The following HNRNPH1 variants were observed in gnomAD, a reference collection of about 807,000 sequenced individuals.
The protein encoded by HNRNPH1 is heterogeneous nuclear ribonucleoprotein H1, also known as heterogeneous nuclear ribonucleoprotein H.
HNRNPH1 carries 4 observed loss-of-function variants against 58.6 expected under a neutral mutation model. That is an observed-to-expected ratio of 0.07 (90% CI 0.03 to 0.16). The LOEUF is 0.16. HNRNPH1 is among the 10% of genes least tolerant of loss of function. The pLI, the probability that HNRNPH1 is intolerant of heterozygous loss-of-function variation, is 1.00. For missense variants in HNRNPH1, 271 were observed against 564.2 expected (o/e 0.48, Z 5.26); for synonymous variants, 192 against 189.2 (o/e 1.01, Z -0.12).
At chr5:179,622,011 C>G (rs1247384147) in intron 1 of HNRNPH1, 1 of 455,578 alleles carries the variant, frequency 2.2e-6, no homozygotes, top group South Asian at 1.6e-5. Context: ...CTACAAACGT[C>G]TTGCCAAAAG....
chr5:179,629,131 A>G (rs1774632496), upstream of HNRNPH1: 1 of 149,460 alleles, frequency 6.7e-6, no homozygotes, highest in African/African-American at 2.4e-5. Flanking sequence ...CCCCGTCTCT[A>G]CTAAAAATAC....
At chr5:179,616,808 C>T in intron 10 of HNRNPH1, 61 bp downstream of exon 11, 5 of 1,335,942 alleles carry the variant, frequency 3.7e-6, no homozygotes, top group Middle Eastern at 1.8e-4. Flanking sequence ...ATTAACTTAA[C>T]TTATAATTGA....
At chr5:179,618,509 T>G in intron 4 of HNRNPH1, 186 bp from the exon 6 acceptor site, 1 of 443,956 alleles carries the variant, frequency 2.3e-6, no homozygotes, top group Non-Finnish European at 3.9e-6. Context: ...AGTAAGACAA[T>G]GTAAACTTTA....
chr5:179,620,135 G>C (rs1771619554), intron 3 of HNRNPH1: 1 of 152,156 alleles, frequency 6.6e-6, no homozygotes, highest in Admixed American at 6.6e-5. Flanking sequence ...TAAAAATTCT[G>C]ACATTAGGAC....
At chr5:179,615,004 C>T in intron 12 of HNRNPH1, 45 bp from the exon 14 acceptor site, 4 of 1,109,082 alleles carry the variant, frequency 3.6e-6, no homozygotes, top group Non-Finnish European at 5.4e-6. Flanking sequence ...TATCAGACTA[C>T]CAGTCAAATA....
rs777579074 is a variant in HNRNPH1 at position 179,617,502 on chromosome 5, A to C, written c.1057+12T>G. 6.2e-7 allele frequency: 1 copy of C among 1,611,724 alleles called. No homozygotes were observed. The stretch of plus-strand genomic sequence containing the variant: ...ACCTGTTAAGAGCCCACAAATGCTC[A>C]ATCACACTTACGCATATTTGCTTTG... On this transcript the variant is annotated intron_variant, in intron 8 of 12. Transcript: ENST00000356731.
intron 11 of HNRNPH1, 76 bp downstream of exon 12, chr5:179,616,050 C>CA: frequency 7.8e-7 from 1 of 1,280,188 alleles, no homozygotes; most frequent in Non-Finnish European, 1.1e-6. Flanking sequence ...CAGGCTTTAC[C>CA]ATAACTTACT....
chr5:179,621,851 G>A (rs1441706622), intron 1 of HNRNPH1: 1 of 439,914 alleles, frequency 2.3e-6, no homozygotes, highest in African/African-American at 2.0e-5. Flanking sequence ...ACCTGAAAGG[G>A]GATCAGTGTT....
intron 2 of HNRNPH1, among the ~76,000 whole-genome samples, chr5:179,631,597 AT>A (rs1226198437): frequency 6.6e-6 from 1 of 152,156 alleles, no homozygotes; most frequent in Non-Finnish European, 1.5e-5. Flanking sequence ...AATACAAAAA[AT>A]TAGCCAGGTG....
upstream of HNRNPH1, among the ~76,000 whole-genome samples, chr5:179,626,862 G>A (rs1335130366): frequency 7.0e-4 from 101 of 143,396 alleles, no homozygotes; most frequent in Admixed American, 3.9e-3. Flanking sequence ...TGCAAGCTCC[G>A]CCTCCCAGGT....
chr5:179,633,923 T>TAAATAAAATA (rs150750891), intron 2 of HNRNPH1: 21,799 of 147,488 alleles, frequency 0.15, 1,779 homozygotes, highest in Middle Eastern at 0.23. Context: ...GTCTCTAAAA[T>TAAATAAAATA]AAATAAAATA....
At chr5:179,618,285 C>T in exon 5 of HNRNPH1, 1 of 1,613,862 alleles carries the variant, frequency 6.2e-7, no homozygotes, top group Non-Finnish European at 8.5e-7. Context: ...ATAATGAGTT[C>T]TAACTTCAGC....
At chr5:179,627,538 G>A (rs1360122023), upstream of HNRNPH1, among the ~76,000 whole-genome samples, 2 of 150,728 alleles carry the variant, frequency 1.3e-5, no homozygotes, top group Non-Finnish European at 2.9e-5. Context: ...GTCTCACTTC[G>A]TCACTCAGGT....
chr5:179,628,306 A>C (rs1164681711), upstream of HNRNPH1, among the ~76,000 whole-genome samples: 2 of 152,186 alleles, frequency 1.3e-5, no homozygotes, highest in Non-Finnish European at 2.9e-5. Flanking sequence ...TAGCCTCAAT[A>C]AGATAGGAAT....
At chr5:179,618,491 CAATA>C (rs1264115476) in intron 4 of HNRNPH1, 168 bp from the exon 6 acceptor site, 3 of 459,280 alleles carry the variant, frequency 6.5e-6, no homozygotes, top group Admixed American at 3.9e-5. Context: ...GAAATTCACT[CAATA>C]AATAGTAAGA....
At chr5:179,619,799 T>C (rs931662326) in intron 3 of HNRNPH1, 1 of 153,434 alleles carries the variant, frequency 6.5e-6, no homozygotes, top group Non-Finnish European at 1.5e-5. Flanking sequence ...CTTTAAGTTA[T>C]TGGAACTTCA....
chr5:179,632,851 ATTTTTTTTTTT>A (rs56128695), intron 2 of HNRNPH1, among the ~76,000 whole-genome samples: 1 of 57,550 alleles, frequency 1.7e-5, no homozygotes, highest in Non-Finnish European at 3.0e-5. Context: ...AGCCCGGCGA[ATTTTTTTTTTT>A]TTTTTTTTTT....
intron 1 of HNRNPH1, chr5:179,621,991 T>TA: frequency 2.2e-6 from 1 of 456,328 alleles, no homozygotes; most frequent in Non-Finnish European, 4.4e-6. Flanking sequence ...ATTCAGATAG[T>TA]AAGTCAATAC....
upstream of HNRNPH1, among the ~76,000 whole-genome samples, chr5:179,627,883 C>G (rs188451492): frequency 0.014 from 2,085 of 149,846 alleles, 48 homozygotes; most frequent in African/African-American, 0.046. Flanking sequence ...GATCCTGCCA[C>G]TGTACTCCAG....
Sources: gnomAD v4.1 joint callset for allele counts (sites outside exome capture counted in the v4.1 genomes callset) on GRCh38, gnomAD v4.1.1 for gene constraint, MANE v1.5 for transcripts, NCBI Gene and HGNC (gene_info 2026-07-23, HGNC 2026-07-21) for gene names.